Variants in ATP10A observed in about 807,000 individuals in gnomAD.
ATP10A encodes the protein ATPase phospholipid transporting 10A (putative).
In ATP10A, 111 loss-of-function variants were observed where a neutral mutation model predicts 147.8. The observed-to-expected ratio is 0.75, with a 90% CI of 0.64 to 0.88. The LOEUF is 0.88. Ranked by LOEUF, ATP10A falls within the 40% of genes least tolerant of loss-of-function variation. The pLI, the probability that ATP10A is intolerant of heterozygous loss-of-function variation, is 0.00. For missense variants in ATP10A, 1,927 were observed against 1,959.0 expected, an observed-to-expected ratio of 0.98 and a Z score of 0.31; for synonymous variants, 875 against 841.6, an observed-to-expected ratio of 1.04 and a Z score of -0.69.
intron 1 of ATP10A, among the ~76,000 whole-genome samples, chr15:25,842,700 G>A (rs758478793): frequency 5.5e-4 from 83 of 151,894 alleles, no homozygotes; most frequent in African/African-American, 7.2e-5. Flanking sequence ...ATAGGTAAAC[G>A]TCTTTGACTC....
intron 15 of ATP10A, 125 bp from the exon 16 acceptor site, chr15:25,687,953 T>C (rs1361569692): frequency 7.2e-7 from 1 of 1,392,392 alleles, no homozygotes; most frequent in East Asian, 2.4e-5. Flanking sequence ...AGTGCGAGCG[T>C]GGCCGGCCAG....
In ATP10A at chr15:25,680,276, A is replaced by G; in HGVS notation, c.3711T>C (p.Ser1237=). 6.2e-7 allele frequency: 1 copy of G among 1,614,208 alleles called. No homozygotes were observed. The highest frequency in any genetic ancestry group is 8.5e-7 in the Non-Finnish European group (1 of 1,180,028). The change falls in exon 20 of 21, where the codon AGT becomes AGC. Residue 1237 remains serine, a synonymous_variant. Coordinates refer to ENST00000555815, the MANE Select transcript of ATP10A (RefSeq NM_024490.4). Reference sequence around the variant, plus strand: ...AAGCCACGGTGAAAAACAAAAGGACACTGAAGCCACACGTTATCCAGTTGA... The same window carrying G: ...AAGCCACGGTGAAAAACAAAAGGACGCTGAAGCCACACGTTATCCAGTTGA... ...TWLNWITCGF[S]VLLFFTVALI...
intron 1 of ATP10A, among the ~76,000 whole-genome samples, chr15:25,784,059 T>C (rs1245282550): frequency 6.6e-6 from 1 of 152,224 alleles, no homozygotes; most frequent in Non-Finnish European, 1.5e-5. Context: ...GCCTACTTCC[T>C]TTTCCAAAGG....
intron 10 of ATP10A, 92 bp from the exon 11 acceptor site, chr15:25,708,392 T>A: frequency 1.8e-6 from 2 of 1,093,782 alleles, no homozygotes; most frequent in Non-Finnish European, 1.4e-6. Context: ...GTCTGTTCGT[T>A]ACTTGCGAAT....
At chr15:25,810,750 C>A (rs79125518) in intron 1 of ATP10A, among the ~76,000 whole-genome samples, 2,602 of 152,192 alleles carry the variant, frequency 0.017, 43 homozygotes, top group Non-Finnish European at 0.025. Flanking sequence ...AAGCCTCCCA[C>A]GGAAAATAGC....
In ATP10A at chr15:25,680,180, C is replaced by A. The variant is rs778760652; in HGVS notation, c.3807G>T (p.Leu1269=). The stretch of plus-strand genomic sequence containing the variant: ...AAGTCAAGTAAAACACTGGGTCACC[C>A]AGTAAGGCTTGCATAGTCCAGTAAG... ...SNPYWTMQAL[L]GDPVFYLTCL... is the part of the protein sequence containing the mutation. Residue 1269 remains leucine (L), a synonymous_variant, in exon 20 of 21, where the codon CTG becomes CTT. Coordinates refer to ENST00000555815, the MANE Select transcript of ATP10A (RefSeq NM_024490.4). 17 of 1,614,114 alleles carry A rather than the reference C, an allele frequency of 1.1e-5. No individual in the cohort carries two copies. In the South Asian group the frequency reaches 1.9e-4, roughly 18 times the overall value.
intron 1 of ATP10A, among the ~76,000 whole-genome samples, chr15:25,804,095 GT>G (rs1211063732): frequency 1.5e-5 from 2 of 130,812 alleles, no homozygotes; most frequent in African/African-American, 3.2e-5. Context: ...GTGTGTGTGT[GT>G]GTGGTGCATG....
chr15:25,750,268 A>G (rs950674783), intron 2 of ATP10A, among the ~76,000 whole-genome samples: 2 of 152,150 alleles, frequency 1.3e-5, no homozygotes, highest in Non-Finnish European at 2.9e-5. Context: ...AATGCAAGCA[A>G]GATGACACTG....
chr15:25,827,892 T>C (rs1016476070), intron 1 of ATP10A, among the ~76,000 whole-genome samples: 7 of 152,134 alleles, frequency 4.6e-5, no homozygotes, highest in African/African-American at 1.7e-4. Flanking sequence ...CATCTATATG[T>C]GATCTGTAAG....
intron 6 of ATP10A, among the ~76,000 whole-genome samples, chr15:25,722,255 G>C (rs1321343587): frequency 1.3e-5 from 2 of 152,290 alleles, no homozygotes; most frequent in Admixed American, 6.5e-5. Flanking sequence ...GGCACAGTCA[G>C]TCCTCATAAG....
At chr15:25,792,445 G>A (rs57204440) in intron 1 of ATP10A, among the ~76,000 whole-genome samples, 6,174 of 152,302 alleles carry the variant, frequency 0.041, 187 homozygotes, top group African/African-American at 0.087. Context: ...GGGCTTAGGC[G>A]GGATGCCCCA....
intron 1 of ATP10A, among the ~76,000 whole-genome samples, chr15:25,819,639 C>T (rs7167155): frequency 0.37 from 56,441 of 151,916 alleles, 12,184 homozygotes; most frequent in African/African-American, 0.6. Flanking sequence ...ATTGTTATCA[C>T]TGCACTATTC....
In ATP10A at chr15:25,853,907, G is replaced by A. The variant is rs28525047; in HGVS notation, c.449+8741C>T. 6.3e-3 allele frequency among the ~76,000 whole-genome samples: 943 copies of A among 150,262 alleles called. 14 individuals carry two copies. The highest frequency in any genetic ancestry group is 0.022 in the African/African-American group (905 of 40,736). On this transcript the variant is annotated intron_variant, in intron 1 of 20. Transcript: ENST00000555815. The stretch of plus-strand genomic sequence containing the variant: ...CAATGAGCTATGATTGCACCAGTGC[G>A]CTCCGGCCTGGGCAACAGAGTTAGA...
intron 1 of ATP10A, among the ~76,000 whole-genome samples, chr15:25,782,288 A>G (rs1889961985): frequency 1.3e-5 from 2 of 152,190 alleles, no homozygotes; most frequent in Admixed American, 1.3e-4. Flanking sequence ...CATTTTATAG[A>G]CACAGAGCTG....
chr15:25,744,371 TGTGA>T (rs1247764244), intron 2 of ATP10A, among the ~76,000 whole-genome samples: 1 of 152,180 alleles, frequency 6.6e-6, no homozygotes, highest in Non-Finnish European at 1.5e-5. Flanking sequence ...CATGTATGTG[TGTGA>T]GTGTGTGTAT....
rs923301051 is a variant in ATP10A at position 25,708,382 on chromosome 15, G to A, written c.2345-82C>T. ...TCAGACACTCCGAGATTTACCCCAC[G>A]TCTGTTCGTTACTTGCGAATAGAGC... On this transcript the variant is annotated intron_variant, in intron 10 of 20. Transcript: ENST00000555815. 124 of 1,240,084 alleles carry A rather than the reference G, an allele frequency of 1.0e-4. 1 individual carries two copies. Among genetic ancestry groups the A allele is most frequent in the Non-Finnish European group, 3.2e-5 (27 of 849,888 alleles). The allele number at this position is 1,240,084 out of a possible 1,614,324, so 76.8% of individuals were successfully genotyped here.
At position 25,796,643 on chromosome 15, in the gene ATP10A, T is replaced by C. The variant is rs1038759026; in HGVS notation, c.450-15420A>G. Among the ~76,000 whole-genome samples the C allele has an allele frequency of 2.6e-5, 4 of 152,272 alleles. No homozygotes were observed. In the South Asian group the frequency reaches 6.2e-4, roughly 24 times the overall value. ...ACCCACACTGGGGGACCTTCTCCCA[T>C]AGTCATGGACCCTCCACAGGTGAGG... On this transcript the variant is annotated intron_variant, in intron 1 of 20. Coordinates refer to ENST00000555815, the MANE Select transcript of ATP10A (RefSeq NM_024490.4).
chr15:25,723,816 C>G, intron 6 of ATP10A, 75 bp downstream of exon 6: 1 of 1,309,620 alleles, frequency 7.6e-7, no homozygotes, highest in Non-Finnish European at 1.0e-6. Flanking sequence ...ATAGGAAATT[C>G]TGAACAGAGT....
In ATP10A at chr15:25,691,804, C is replaced by T; in HGVS notation, c.3089-13G>A. 1 of 1,614,068 alleles carries T rather than the reference C, an allele frequency of 6.2e-7. No homozygotes were observed. Among genetic ancestry groups the T allele is most frequent in the Non-Finnish European group, 8.5e-7 (1 of 1,179,958 alleles). On this transcript the variant is annotated splice_polypyrimidine_tract_variant and intron_variant, in intron 14 of 20. Transcript: ENST00000555815. ...TTGGCTCCATCACCTAGAAACAGCA[C>T]AGGCAAGAAGAATTGTTTGATTCTA...
Sources: gnomAD v4.1 joint callset for allele counts (sites outside exome capture counted in the v4.1 genomes callset) on GRCh38, gnomAD v4.1.1 for gene constraint, MANE v1.5 for transcripts, NCBI Gene and HGNC (gene_info 2026-07-23, HGNC 2026-07-21) for gene names.